Variants in INSR observed in about 807,000 individuals in gnomAD.
The protein encoded by INSR is insulin receptor.
INSR carries 67 observed loss-of-function variants against 142.6 expected under a neutral mutation model. That is an observed-to-expected ratio of 0.47 (90% CI 0.39 to 0.58). The LOEUF (loss-of-function observed/expected upper bound fraction) is 0.58, where lower values mean the gene tolerates loss of function less well. INSR is among the 20% of genes least tolerant of loss of function. The pLI is 0.00. For synonymous variants in INSR, 756 were observed against 743.1 expected, an observed-to-expected ratio of 1.02 and a Z score of -0.28; for missense variants, 1,248 against 1,833.2, an observed-to-expected ratio of 0.68 and a Z score of 5.83.
intron 9 of INSR, among the ~76,000 whole-genome samples, chr19:7,158,638 T>C (rs1039358966): frequency 6.6e-6 from 1 of 151,220 alleles, no homozygotes; most frequent in African/African-American, 2.4e-5. Flanking sequence ...GGGGACAGAG[T>C]TTCAGTTTGA....
intron 3 of INSR, among the ~76,000 whole-genome samples, chr19:7,180,295 C>A (rs555255263): frequency 6.6e-6 from 1 of 152,106 alleles, no homozygotes; most frequent in African/African-American, 2.4e-5. Context: ...TTTGGGAAGC[C>A]AAGGTGGGAG....
intron 4 of INSR, 56 bp from the exon 5 acceptor site, chr19:7,172,490 A>C: frequency 6.4e-7 from 1 of 1,564,298 alleles, no homozygotes; most frequent in Non-Finnish European, 8.8e-7. Context: ...CAATCTTCTC[A>C]TGATTCTCCA....
intron 3 of INSR, among the ~76,000 whole-genome samples, chr19:7,179,004 G>A (rs1974209766): frequency 6.6e-6 from 1 of 152,160 alleles, no homozygotes; most frequent in Non-Finnish European, 1.5e-5. Flanking sequence ...TCGAACTCCT[G>A]GGCTCAAGCG....
intron 2 of INSR, among the ~76,000 whole-genome samples, chr19:7,222,419 G>T (rs561893902): frequency 6.6e-6 from 1 of 152,192 alleles, no homozygotes; most frequent in African/African-American, 2.4e-5. Flanking sequence ...TAAGAGACAG[G>T]GTCTTGCTCT....
chr19:7,267,715 A>G lies in INSR; in HGVS notation c.282T>C (p.Tyr94=), dbSNP rs1189415348. ...ACAGGTCCTTCAGGCTCTCGAGCCC[A>G]TAGACCCGGAAGAGCAGCAAGTAAT... ...ITDYLLLFRV[Y]GLESLKDLFP... Residue 94 remains tyrosine (Y), a synonymous_variant, in exon 2 of 22, where the codon TAT becomes TAC. Transcript: ENST00000302850. The surrounding 1 kb of genome is among the most constrained non-coding windows in gnomAD (Gnocchi z 6.3). 2 of 1,614,174 alleles carry G rather than the reference A, an allele frequency of 1.2e-6. No individual in the cohort carries two copies. The highest frequency in any genetic ancestry group is 1.7e-5 in the Admixed American group (1 of 60,004).
intron 17 of INSR, among the ~76,000 whole-genome samples, chr19:7,124,969 A>G (rs1005064606): frequency 2.0e-5 from 3 of 152,044 alleles, no homozygotes; most frequent in Non-Finnish European, 4.4e-5. Flanking sequence ...AAATGATGGA[A>G]GATTCCGGAA....
At chr19:7,241,826 T>C (rs1328102734) in intron 2 of INSR, among the ~76,000 whole-genome samples, 3 of 149,410 alleles carry the variant, frequency 2.0e-5, no homozygotes, top group Middle Eastern at 3.4e-3. Flanking sequence ...ATGCTAACAC[T>C]GTTGAGGCTG....
chr19:7,292,515 G>A (rs1007811351), intron 1 of INSR, among the ~76,000 whole-genome samples: 4 of 151,612 alleles, frequency 2.6e-5, no homozygotes, highest in Non-Finnish European at 4.4e-5. Flanking sequence ...GTGATTGACA[G>A]AGTCGACTCA....
intron 2 of INSR, among the ~76,000 whole-genome samples, chr19:7,206,211 G>A (rs1975101444): frequency 6.6e-6 from 1 of 152,134 alleles, no homozygotes; most frequent in Non-Finnish European, 1.5e-5. Flanking sequence ...CTGTAACCCA[G>A]GCTGGAGTGC....
intron 2 of INSR, among the ~76,000 whole-genome samples, chr19:7,263,899 G>T (rs1977141412): frequency 6.6e-6 from 1 of 152,256 alleles, no homozygotes; most frequent in South Asian, 2.1e-4. Flanking sequence ...GCCAGGCACG[G>T]TGGCTCACCC....
At chr19:7,287,377 T>C (rs968799822) in intron 1 of INSR, among the ~76,000 whole-genome samples, 1 of 151,730 alleles carries the variant, frequency 6.6e-6, no homozygotes, top group Non-Finnish European at 1.5e-5. Flanking sequence ...GTCAGGCTGG[T>C]CTCGAACTCC....
At chr19:7,280,483 C>T (rs1968177172) in intron 1 of INSR, among the ~76,000 whole-genome samples, 1 of 152,064 alleles carries the variant, frequency 6.6e-6, no homozygotes, top group Non-Finnish European at 1.5e-5. Context: ...TTTGGGCAGC[C>T]GAGGCGGGTG....
At chr19:7,243,614 T>G (rs973703219) in intron 2 of INSR, among the ~76,000 whole-genome samples, 1 of 152,170 alleles carries the variant, frequency 6.6e-6, no homozygotes, top group Non-Finnish European at 1.5e-5. Flanking sequence ...AATTTGTCAA[T>G]GAATACTCAG....
intron 3 of INSR, among the ~76,000 whole-genome samples, chr19:7,181,071 G>A (rs1974263156): frequency 6.6e-6 from 1 of 151,856 alleles, no homozygotes; most frequent in South Asian, 2.1e-4. Flanking sequence ...CTCCCGAGTA[G>A]CTGGGATTAC....
chr19:7,116,487 G>T lies in INSR; in HGVS notation c.*569C>A, dbSNP rs1293147838. On this transcript the variant is annotated 3_prime_UTR_variant, in exon 22 of 22. Coordinates refer to ENST00000302850, the MANE Select transcript of INSR (RefSeq NM_000208.4). ...CAAAATATGAAAGCAGCAGCTATTGGTCAATTTGAGGAACTCATTTTGTAA... is the reference window on the plus strand; with the variant it reads ...CAAAATATGAAAGCAGCAGCTATTGTTCAATTTGAGGAACTCATTTTGTAA... 1.3e-5 allele frequency: 2 copies of T among 150,494 alleles called. No homozygotes were observed. Among genetic ancestry groups the T allele is most frequent in the African/African-American group, 2.5e-5 (1 of 40,670 alleles). The allele number at this position is 150,494 out of a possible 1,614,324, so 9.3% of individuals were successfully genotyped here.
intron 13 of INSR, among the ~76,000 whole-genome samples, chr19:7,134,449 A>AT (rs11409928): frequency 0.73 from 108,232 of 148,160 alleles, 39,713 homozygotes; most frequent in African/African-American, 0.85. Flanking sequence ...CTGCCTTTCG[A>AT]TTTTTTTTTT....
At chr19:7,240,309 G>A (rs1044910323) in intron 2 of INSR, among the ~76,000 whole-genome samples, 11 of 152,176 alleles carry the variant, frequency 7.2e-5, no homozygotes, top group Non-Finnish European at 1.5e-4. Context: ...TATGCCAGGC[G>A]TGGTGGCTCA....
intron 2 of INSR, among the ~76,000 whole-genome samples, chr19:7,228,975 A>G (rs1195165452): frequency 7.8e-6 from 1 of 128,684 alleles, no homozygotes; most frequent in East Asian, 2.4e-4. Flanking sequence ...GGCAGAGTAG[A>G]CAGAAGGATG....
intron 1 of INSR, 84 bp downstream of exon 1, chr19:7,293,708 A>G: frequency 8.6e-7 from 1 of 1,158,280 alleles, no homozygotes; most frequent in Non-Finnish European, 1.1e-6. Context: ...TTCTCAGTCC[A>G]CAAGCGGGGG....
Sources: allele counts gnomAD v4.1 joint callset (sites outside exome capture counted in the v4.1 genomes callset), GRCh38; gene constraint gnomAD v4.1.1; non-coding constraint Gnocchi (gnomAD v3.1); transcripts MANE v1.5; gene names NCBI Gene and HGNC (gene_info 2026-07-23, HGNC 2026-07-21).